The following LAMA2 variants were observed in gnomAD, a reference collection of about 807,000 sequenced individuals.
The protein encoded by LAMA2 is laminin subunit alpha 2.
LAMA2 carries 269 observed loss-of-function variants against 364.8 expected under a neutral mutation model. The observed-to-expected ratio is 0.74, with a 90% CI of 0.67 to 0.82. The LOEUF (loss-of-function observed/expected upper bound fraction) is 0.82, where lower values mean the gene tolerates loss of function less well. Ranked by LOEUF, LAMA2 falls within the 40% of genes least tolerant of loss-of-function variation. The pLI, the probability that LAMA2 is intolerant of heterozygous loss-of-function variation, is 0.00. For missense variants in LAMA2, 3,807 were observed against 3,873.2 expected (o/e 0.98, Z 0.45); for synonymous variants, 1,379 against 1,370.6 (o/e 1.01, Z -0.14).
At chr6:129,269,684 T>A (rs1193799690) in intron 16 of LAMA2, among the ~76,000 whole-genome samples, 5 of 152,008 alleles carry the variant, frequency 3.3e-5, no homozygotes, top group African/African-American at 1.2e-4. Context: ...ATGCAAATAA[T>A]TTTACAAAAA....
intron 10 of LAMA2, among the ~76,000 whole-genome samples, chr6:129,187,170 A>G (rs1205016103): frequency 2.0e-5 from 3 of 151,762 alleles, no homozygotes; most frequent in African/African-American, 4.8e-5. Context: ...CAGGAATGCA[A>G]TTAGGGGCTG....
intron 4 of LAMA2, among the ~76,000 whole-genome samples, chr6:129,136,614 A>G (rs1401545035): frequency 3.3e-5 from 5 of 152,058 alleles, no homozygotes; most frequent in Middle Eastern, 3.2e-3. Context: ...CACTAGCAGA[A>G]AAGAAAAATA....
At chr6:129,303,064 G>C (rs1274144973) in intron 22 of LAMA2, among the ~76,000 whole-genome samples, 2 of 152,058 alleles carry the variant, frequency 1.3e-5, no homozygotes, top group African/African-American at 4.8e-5. Flanking sequence ...CAGCTTAAAA[G>C]TATTAGATAT....
chr6:128,921,105 G>C (rs1778682145), intron 1 of LAMA2, among the ~76,000 whole-genome samples: 1 of 152,054 alleles, frequency 6.6e-6, no homozygotes, highest in Non-Finnish European at 1.5e-5. Context: ...ATCTCATATA[G>C]TAACATAATT....
chr6:129,019,926 A>T (rs976398048), intron 1 of LAMA2, among the ~76,000 whole-genome samples: 1 of 152,052 alleles, frequency 6.6e-6, no homozygotes, highest in African/African-American at 2.4e-5. Flanking sequence ...CTCTACTAAA[A>T]GTACCAAAAT....
intron 35 of LAMA2, among the ~76,000 whole-genome samples, chr6:129,385,325 A>T (rs1051407005): frequency 5.5e-5 from 8 of 146,752 alleles, no homozygotes; most frequent in Admixed American, 3.4e-4. Flanking sequence ...GGAAGGAAGG[A>T]AGGAAGGAAG....
rs545453167 is a variant in LAMA2, at chr6:128,937,881, C to T, written c.112+54524C>T. ...CCTTGAGGTATAAAGTTAAGTTGTTCATTTTAGATCTTTTTTTTTAATATA... is the reference window on the plus strand; with the variant it reads ...CCTTGAGGTATAAAGTTAAGTTGTTTATTTTAGATCTTTTTTTTTAATATA... On this transcript the variant is annotated intron_variant, in intron 1 of 64. Transcript: ENST00000421865. Among the ~76,000 whole-genome samples, 5 of 149,558 alleles carry T rather than the reference C, an allele frequency of 3.3e-5. No individual in the cohort carries two copies. In the South Asian group the frequency reaches 8.5e-4, roughly 26 times the overall value.
At chr6:129,055,704 T>C (rs4596506) in intron 2 of LAMA2, among the ~76,000 whole-genome samples, 44,638 of 152,012 alleles carry the variant, frequency 0.29, 7,100 homozygotes, top group African/African-American at 0.42. Context: ...CAGTTAATTA[T>C]CCTGCAAAGA....
rs116036096 is a variant in LAMA2 at position 129,158,897 on chromosome 6, G to T, written c.1206+4214G>T. On this transcript the variant is annotated intron_variant, in intron 8 of 64. Coordinates refer to ENST00000421865, the MANE Select transcript of LAMA2 (RefSeq NM_000426.4). Reference sequence around the variant, plus strand: ...AAAGCAACGTCCATTAGTTATGCATGTGTTATTAATAGCATCATCTGGGCA... The same window carrying T: ...AAAGCAACGTCCATTAGTTATGCATTTGTTATTAATAGCATCATCTGGGCA... 2,832 of 1,609,274 alleles carry T rather than the reference G, an allele frequency of 1.8e-3. 43 individuals are homozygous for T. The African/African-American group carries it at 0.033, about 19-fold the overall frequency.
At chr6:129,175,148 C>A (rs1780492483) in intron 9 of LAMA2, among the ~76,000 whole-genome samples, 1 of 152,086 alleles carries the variant, frequency 6.6e-6, no homozygotes, top group South Asian at 2.1e-4. Context: ...ATTTATTTTA[C>A]CAGAGTATGT....
At chr6:129,195,043 A>C (rs1583224011) in intron 12 of LAMA2, among the ~76,000 whole-genome samples, 1 of 152,190 alleles carries the variant, frequency 6.6e-6, no homozygotes, top group Non-Finnish European at 1.5e-5. Flanking sequence ...TTAAATATTG[A>C]ATTTTATTTA....
intron 12 of LAMA2, among the ~76,000 whole-genome samples, chr6:129,230,079 C>G (rs780385725): frequency 2.0e-5 from 3 of 151,968 alleles, no homozygotes; most frequent in Non-Finnish European, 2.9e-5. Flanking sequence ...AAATGAATAA[C>G]GAGACAAAAT....
At chr6:129,092,234 A>G (rs1774885566) in intron 3 of LAMA2, among the ~76,000 whole-genome samples, 2 of 151,990 alleles carry the variant, frequency 1.3e-5, no homozygotes, top group African/African-American at 4.8e-5. Context: ...ATTGGTTTCT[A>G]TTTTCTTTCT....
rs1203445478 is a variant in LAMA2 at position 129,033,743 on chromosome 6, G to A, written c.113-16175G>A. Among the ~76,000 whole-genome samples the A allele has an allele frequency of 2.0e-5, 3 of 152,104 alleles. No individual in the cohort carries two copies. In the East Asian group the frequency reaches 5.8e-4, roughly 29 times the overall value. Reference sequence around the variant, plus strand: ...TTGATTTTGGAAGAAAGACAGAAGAGAGCAGATACTGAACATATGTTCCGC... The same window carrying A: ...TTGATTTTGGAAGAAAGACAGAAGAAAGCAGATACTGAACATATGTTCCGC... On this transcript the variant is annotated intron_variant, in intron 1 of 64. Coordinates refer to ENST00000421865, the MANE Select transcript of LAMA2 (RefSeq NM_000426.4).
intron 45 of LAMA2, among the ~76,000 whole-genome samples, chr6:129,451,933 T>G (rs1318560853): frequency 1.3e-5 from 2 of 152,188 alleles, no homozygotes; most frequent in Non-Finnish European, 2.9e-5. Context: ...GCTAGTTGGT[T>G]TTCTTCCAAA....
intron 17 of LAMA2, among the ~76,000 whole-genome samples, chr6:129,274,390 A>G (rs1031116398): frequency 6.6e-6 from 1 of 151,680 alleles, no homozygotes; most frequent in Non-Finnish European, 1.5e-5. Context: ...CCTGAAGACG[A>G]GATTTTAATT....
At chr6:129,270,349 GA>G (rs1787837332) in intron 16 of LAMA2, among the ~76,000 whole-genome samples, 1 of 149,518 alleles carries the variant, frequency 6.7e-6, no homozygotes, top group Non-Finnish European at 1.5e-5. Context: ...GGAAAATAAA[GA>G]AAAAATGAAG....
intron 1 of LAMA2, among the ~76,000 whole-genome samples, chr6:128,957,439 C>T (rs186575256): frequency 6.6e-6 from 1 of 151,958 alleles, no homozygotes; most frequent in South Asian, 2.1e-4. Flanking sequence ...TTCTTTTATT[C>T]TTTTTCTTTT....
intron 1 of LAMA2, among the ~76,000 whole-genome samples, chr6:128,965,664 CAT>C (rs1265569258): frequency 2.0e-5 from 3 of 151,974 alleles, no homozygotes; most frequent in Non-Finnish European, 2.9e-5. Flanking sequence ...TCAACAAACA[CAT>C]AAACAATCAT....
Sources: gnomAD v4.1 joint callset for allele counts (sites outside exome capture counted in the v4.1 genomes callset) on GRCh38, gnomAD v4.1.1 for gene constraint, MANE v1.5 for transcripts, NCBI Gene and HGNC (gene_info 2026-07-23, HGNC 2026-07-21) for gene names.